DUSP11: variants seen among roughly 807,000 people sequenced by gnomAD.
DUSP11 encodes the protein RNA/RNP complex-1-interacting phosphatase.
DUSP11 carries 27 observed loss-of-function variants against 41.4 expected under a neutral mutation model. That is an observed-to-expected ratio of 0.65 (90% CI 0.48 to 0.90). The LOEUF is 0.90. Ranked by LOEUF, DUSP11 falls within the 40% of genes least tolerant of loss-of-function variation. The pLI is 0.00. For missense variants in DUSP11, 465 were observed against 461.1 expected (o/e 1.01, Z -0.08); for synonymous variants, 188 against 159.3 (o/e 1.18, Z -1.35).
chr2:73,776,494 T>A lies in DUSP11; in HGVS notation c.319-1450A>T, dbSNP rs1168199210. Reference sequence around the variant, plus strand: ...AAACTGAGCCAAAAGGACAGATAGTTCCCACATGTACTTTGCCTTCCCCAA... The same window carrying A: ...AAACTGAGCCAAAAGGACAGATAGTACCCACATGTACTTTGCCTTCCCCAA... On this transcript the variant is annotated intron_variant, in intron 2 of 8. Transcript: ENST00000272444. 4.0e-5 allele frequency among the ~76,000 whole-genome samples: 6 copies of A among 151,460 alleles called. No individual in the cohort carries two copies. In the East Asian group the frequency reaches 1.2e-3, roughly 29 times the overall value.
At chr2:73,773,609 A>C (rs1672625929) in intron 4 of DUSP11, 191 bp downstream of exon 4, 1 of 531,314 alleles carries the variant, frequency 1.9e-6, no homozygotes, top group Non-Finnish European at 3.3e-6. Context: ...AACTAATTTA[A>C]CATTCCAAAG....
intron 5 of DUSP11, 68 bp downstream of exon 5, chr2:73,769,197 C>T: frequency 7.3e-7 from 1 of 1,377,878 alleles, no homozygotes; most frequent in Non-Finnish European, 1.0e-6. Context: ...TTTTTTACAA[C>T]CTTACATTAC....
chr2:73,774,744 G>A (rs1672648028), intron 3 of DUSP11, among the ~76,000 whole-genome samples, 169 bp downstream of exon 3: 1 of 152,014 alleles, frequency 6.6e-6, no homozygotes, highest in Non-Finnish European at 1.5e-5. Flanking sequence ...TTCCATTTAA[G>A]ACAGCAATTA....
At chr2:73,766,936 T>C (rs373870876) in intron 6 of DUSP11, 33 bp from the exon 7 acceptor site, 2 of 1,579,034 alleles carry the variant, frequency 1.3e-6, no homozygotes, top group African/African-American at 2.7e-5. Context: ...GAAATAACTG[T>C]ACAAAAAGCA....
At chr2:73,779,648 A>C in intron 1 of DUSP11, 1 of 668,570 alleles carries the variant, frequency 1.5e-6, no homozygotes. Flanking sequence ...CCTAAGAGCA[A>C]TGGCCAGAAC....
chr2:73,767,735 A>G (rs1255606098), intron 5 of DUSP11: 1 of 153,264 alleles, frequency 6.5e-6, no homozygotes, highest in Admixed American at 6.5e-5. Context: ...TCTATAGAGT[A>G]TATCTGTATC....
Position 73,766,408 on chromosome 2 carries a change from A to G in DUSP11, c.935+10T>C. On this transcript the variant is annotated intron_variant, in intron 8 of 8. Coordinates refer to ENST00000272444, the Ensembl canonical transcript of DUSP11. Reference sequence around the variant, plus strand: ...CTCAATTCTAGAAAAGGGAAAACAGAGAGAGGTACCTGACTGATTGTTGCA... The same window carrying G: ...CTCAATTCTAGAAAAGGGAAAACAGGGAGAGGTACCTGACTGATTGTTGCA... The G allele has an allele frequency of 1.3e-6, 2 of 1,595,074 alleles. No homozygotes were observed. The highest frequency in any genetic ancestry group is 8.5e-7 in the Non-Finnish European group (1 of 1,173,294).
At chr2:73,778,436 T>C (rs1488318155) in intron 1 of DUSP11, 60 bp from the exon 2 acceptor site, 11 of 1,164,390 alleles carry the variant, frequency 9.4e-6, no homozygotes, top group Admixed American at 2.9e-5. Context: ...TTGCACAAAA[T>C]AAGACTTTTT....
At chr2:73,768,711 C>G (rs1672517295) in intron 5 of DUSP11, 1 of 961,824 alleles carries the variant, frequency 1.0e-6, no homozygotes, top group African/African-American at 1.8e-5. Flanking sequence ...AATACCAGCA[C>G]TTTGGGAGGC....
intron 8 of DUSP11, among the ~76,000 whole-genome samples, chr2:73,765,314 G>C (rs1672440688): frequency 6.6e-6 from 1 of 152,150 alleles, no homozygotes; most frequent in South Asian, 2.1e-4. Context: ...AGGCTTCATG[G>C]CCTCTGGACT....
exon 8 of DUSP11, chr2:73,766,438 T>G (rs774461538): frequency 6.2e-7 from 1 of 1,611,562 alleles, no homozygotes; most frequent in Non-Finnish European, 8.5e-7. Flanking sequence ...GTTGCAAACT[T>G]TGGGTCTGGG....
intron 8 of DUSP11, among the ~76,000 whole-genome samples, chr2:73,764,300 T>C (rs1672417228): frequency 6.6e-6 from 1 of 152,212 alleles, no homozygotes; most frequent in South Asian, 2.1e-4. Context: ...AGTTTCTTTT[T>C]TCTTTTTTTA....
At chr2:73,768,873 G>A (rs140639717) in intron 5 of DUSP11, 57 of 165,100 alleles carry the variant, frequency 3.5e-4, no homozygotes, top group African/African-American at 1.1e-3. Context: ...GGAGAACGGC[G>A]TGAACCTGGG....
exon 9 of DUSP11, chr2:73,762,490 A>G: frequency 2.4e-6 from 1 of 422,610 alleles, no homozygotes; most frequent in Middle Eastern, 6.2e-4. Flanking sequence ...CAATGCTGTA[A>G]TTACTGCAAA....
In DUSP11 at chr2:73,766,400, G is replaced by A; in HGVS notation, c.935+18C>T. Reference sequence around the variant, plus strand: ...ATTTCTATCTCAATTCTAGAAAAGGGAAAACAGAGAGAGGTACCTGACTGA... The same window carrying A: ...ATTTCTATCTCAATTCTAGAAAAGGAAAAACAGAGAGAGGTACCTGACTGA... On this transcript the variant is annotated intron_variant, in intron 8 of 8. Coordinates refer to ENST00000272444, the Ensembl canonical transcript of DUSP11. 6.3e-7 allele frequency: 1 copy of A among 1,588,488 alleles called. No individual in the cohort carries two copies. The highest frequency in any genetic ancestry group is 8.6e-7 in the Non-Finnish European group (1 of 1,168,974).
At chr2:73,779,293 GGATT>G (rs755439703) in intron 1 of DUSP11, among the ~76,000 whole-genome samples, 2 of 152,178 alleles carry the variant, frequency 1.3e-5, no homozygotes, top group Non-Finnish European at 2.9e-5. Flanking sequence ...AAAATGAAGA[GGATT>G]TATTGAGGTA....
chr2:73,764,730 G>A (rs904081249), intron 8 of DUSP11, among the ~76,000 whole-genome samples: 2 of 152,198 alleles, frequency 1.3e-5, no homozygotes, highest in African/African-American at 4.8e-5. Context: ...ACTTTGGGAG[G>A]CCGAGGCAGG....
chr2:73,774,022 C>CAAATGGCATATTCA, intron 3 of DUSP11, 99 bp from the exon 4 acceptor site: 1 of 1,041,698 alleles, frequency 9.6e-7, no homozygotes, highest in South Asian at 2.1e-5. Flanking sequence ...GAGATTATAA[C>CAAATGGCATATTCA]AAACTTAATA....
Position 73,767,218 on chromosome 2 carries a change from A to G in DUSP11, c.636-11T>C. Reference sequence around the variant, plus strand: ...ACATCAATCAAATATCTAACAAAACAACATAATTTGGGTCATTTATATACG... The same window carrying G: ...ACATCAATCAAATATCTAACAAAACGACATAATTTGGGTCATTTATATACG... On this transcript the variant is annotated splice_polypyrimidine_tract_variant and intron_variant, in intron 5 of 8. Coordinates refer to ENST00000272444, the Ensembl canonical transcript of DUSP11. The G allele has an allele frequency of 6.2e-7, 1 of 1,608,360 alleles. No individual in the cohort carries two copies. The highest frequency in any genetic ancestry group is 8.5e-7 in the Non-Finnish European group (1 of 1,177,306).
Sources: gnomAD v4.1 joint callset for allele counts (sites outside exome capture counted in the v4.1 genomes callset) on GRCh38, gnomAD v4.1.1 for gene constraint, MANE v1.5 for transcripts, NCBI Gene and HGNC (gene_info 2026-07-23, HGNC 2026-07-21) for gene names.